The following CR2 variants were observed in gnomAD, a reference collection of about 807,000 sequenced individuals.
CR2 encodes the protein complement C3d receptor 2.
CR2 carries 96 observed loss-of-function variants against 123.0 expected under a neutral mutation model. The observed-to-expected ratio is 0.78, with a 90% CI of 0.66 to 0.93. CR2 has a LOEUF of 0.93. Among genes scored for constraint, CR2 ranks in the 40% least tolerant of loss-of-function variants. The pLI, the probability that CR2 is intolerant of heterozygous loss-of-function variation, is 0.00. For synonymous variants in CR2, 484 were observed against 469.5 expected, an observed-to-expected ratio of 1.03 and a Z score of -0.40; for missense variants, 1,258 against 1,361.0, an observed-to-expected ratio of 0.92 and a Z score of 1.19.
At chr1:207,459,093 A>T (rs186685035) in intron 1 of CR2, among the ~76,000 whole-genome samples, 4 of 152,236 alleles carry the variant, frequency 2.6e-5, no homozygotes, top group Non-Finnish European at 5.9e-5. Context: ...TGAGGATTAC[A>T]TAATTGTTTT....
chr1:207,473,542 C>T lies in CR2; in HGVS notation c.1979-3C>T, dbSNP rs1658347562. 1.9e-6 allele frequency: 3 copies of T among 1,613,216 alleles called. No individual in the cohort carries two copies. The highest frequency in any genetic ancestry group is 8.5e-7 in the Non-Finnish European group (1 of 1,179,356). ...TATTTATGTAGGGAGTTTTTCTCTTCAGGCTGCCAGTCACCTCCTGGGCTC... is the reference window on the plus strand; with the variant it reads ...TATTTATGTAGGGAGTTTTTCTCTTTAGGCTGCCAGTCACCTCCTGGGCTC... On this transcript the variant is annotated splice_polypyrimidine_tract_variant and splice_region_variant and intron_variant, in intron 10 of 19. Coordinates refer to ENST00000367057, the MANE Select transcript of CR2 (RefSeq NM_001006658.3).
Position 207,472,766 on chromosome 1 carries a change from C to T in CR2, c.1571-6C>T, listed in dbSNP as rs759031858. 7 of 1,613,224 alleles carry T rather than the reference C, an allele frequency of 4.3e-6. No homozygotes were observed. Among genetic ancestry groups the T allele is most frequent in the African/African-American group, 4.0e-5 (3 of 74,894 alleles). ...TCAATTCTACAGTATCTTTTCATCT[C>T]TCTAGAAATCACCTGCCCACCACCC... On this transcript the variant is annotated splice_polypyrimidine_tract_variant and splice_region_variant and intron_variant, in intron 9 of 19. Coordinates refer to ENST00000367057, the MANE Select transcript of CR2 (RefSeq NM_001006658.3).
At chr1:207,488,164 T>C (rs1382993598) in intron 19 of CR2, among the ~76,000 whole-genome samples, 2 of 152,232 alleles carry the variant, frequency 1.3e-5, no homozygotes, top group South Asian at 4.1e-4. Flanking sequence ...CTTCTCTTAC[T>C]TAGCCATCAG....
rs371956919 is a variant in CR2, at chr1:207,485,518, A to G, written c.3243A>G (p.Glu1081=). ...QKEAFHLEAR[E]VYSVDPYNPA... ...AAGCTTTTCATTTAGAAGCACGAGA[A>G]GTATATTCTGTTGATCCATACAACC... Residue 1081 remains glutamate, a synonymous_variant, in exon 19 of 20, where the codon GAA becomes GAG. Transcript: ENST00000367057. The G allele has an allele frequency of 9.0e-5, 145 of 1,613,426 alleles. No individual in the cohort carries two copies. The highest frequency in any genetic ancestry group is 1.6e-4 in the Middle Eastern group (1 of 6,082).
chr1:207,465,012 C>A (rs1376327123), intron 1 of CR2, among the ~76,000 whole-genome samples: 1 of 152,108 alleles, frequency 6.6e-6, no homozygotes, highest in Non-Finnish European at 1.5e-5. Flanking sequence ...CTCACTGCAA[C>A]CTCCACCTCC....
rs1480677802 is a variant in CR2 at position 207,470,664 on chromosome 1, T to G, written c.1226-76T>G. ...CCAGAGTGGAATTATAGCATGAATA[T>G]CAATTTCTTTGGCTCAGTTTCTTTC... On this transcript the variant is annotated intron_variant, in intron 6 of 19. Transcript: ENST00000367057. 4 of 1,398,394 alleles carry G rather than the reference T, an allele frequency of 2.9e-6. No homozygotes were observed. The African/African-American group carries it at 5.7e-5, about 20-fold the overall frequency. 86.6% of individuals were successfully genotyped at this position (1,398,394 alleles called of 1,614,324 possible). A position where few individuals can be genotyped will look rare whatever the true frequency, so the allele number is the denominator to read the frequency against.
rs1658834735 is a variant in CR2, at chr1:207,489,594, AT to A, written c.*475del. 1 of 152,202 alleles carries A rather than the reference AT, an allele frequency of 6.6e-6. No homozygotes were observed. Among genetic ancestry groups the A allele is most frequent in the South Asian group, 2.1e-4 (1 of 4,834 alleles). 9.4% of individuals were successfully genotyped at this position (152,202 alleles called of 1,614,324 possible). A position where few individuals can be genotyped will look rare whatever the true frequency, so the allele number is the denominator to read the frequency against. ...TACCTTTATTAGGAAGTATGGTTTTATTTTGATAGTAGCTTCCTCCTCTGGT... is the reference window on the plus strand; with the variant it reads ...TACCTTTATTAGGAAGTATGGTTTTATTTGATAGTAGCTTCCTCCTCTGGT... On this transcript the variant is annotated 3_prime_UTR_variant, in exon 20 of 20. Transcript: ENST00000367057.
Position 207,462,794 on chromosome 1 carries a change from A to G in CR2, c.59-3732A>G, listed in dbSNP as rs558550210. Reference sequence around the variant, plus strand: ...GATGAGTTACAAAAAGGAAATGATCACTGTGAGATTTTTAAGGCAGAAGAC... The same window carrying G: ...GATGAGTTACAAAAAGGAAATGATCGCTGTGAGATTTTTAAGGCAGAAGAC... On this transcript the variant is annotated intron_variant, in intron 1 of 19. Coordinates refer to ENST00000367057, the MANE Select transcript of CR2 (RefSeq NM_001006658.3). Among the ~76,000 whole-genome samples the G allele has an allele frequency of 2.3e-4, 35 of 152,314 alleles. 1 individual carries two copies. In the South Asian group the frequency reaches 6.8e-3, roughly 30 times the overall value.
intron 18 of CR2, among the ~76,000 whole-genome samples, chr1:207,484,781 A>G (rs534092618): frequency 6.6e-6 from 1 of 152,368 alleles, no homozygotes; most frequent in Non-Finnish European, 1.5e-5. Flanking sequence ...GTGTACTTTC[A>G]AAGAAGGAAA....
intron 1 of CR2, among the ~76,000 whole-genome samples, chr1:207,458,059 AACACACAC>A (rs59735642): frequency 2.2e-4 from 27 of 122,664 alleles, no homozygotes; most frequent in South Asian, 1.2e-3. Flanking sequence ...TCAAGGCCAC[AACACACAC>A]ACACACACAC....
chr1:207,457,566 A>G (rs896481443), intron 1 of CR2, among the ~76,000 whole-genome samples: 3 of 152,146 alleles, frequency 2.0e-5, no homozygotes, highest in African/African-American at 7.2e-5. Flanking sequence ...TCCACTTCAG[A>G]CAGGCTTCTT....
At chr1:207,457,703 T>A (rs73089153) in intron 1 of CR2, among the ~76,000 whole-genome samples, 4,048 of 152,242 alleles carry the variant, frequency 0.027, 212 homozygotes, top group African/African-American at 0.092. Context: ...TTCCTTTACC[T>A]TGAAACCATT....
intron 1 of CR2, among the ~76,000 whole-genome samples, chr1:207,455,506 T>C (rs1182513652): frequency 6.6e-6 from 1 of 152,252 alleles, no homozygotes; most frequent in Non-Finnish European, 1.5e-5. Context: ...GCATTTAAGC[T>C]AACAAGCTGG....
chr1:207,456,860 C>T (rs751012936), intron 1 of CR2, among the ~76,000 whole-genome samples: 3 of 152,234 alleles, frequency 2.0e-5, no homozygotes, highest in Non-Finnish European at 4.4e-5. Flanking sequence ...CACTCACTCT[C>T]TCTGCCCCAG....
intron 2 of CR2, among the ~76,000 whole-genome samples, chr1:207,467,237 G>T (rs1658127729): frequency 6.6e-6 from 1 of 152,120 alleles, no homozygotes; most frequent in African/African-American, 2.4e-5. Context: ...CTGTATATCT[G>T]TGTTACTGTT....
In CR2 at chr1:207,478,126, G is replaced by A; in HGVS notation, c.3088+56G>A. ...AACTGGCTAACGGAGAGAAGAGAGT[G>A]AGAGTTTCCCTCAGCGTGGAGAGTC... On this transcript the variant is annotated intron_variant, in intron 16 of 19. Transcript: ENST00000367057. 22 of 1,564,728 alleles carry A rather than the reference G, an allele frequency of 1.4e-5. No individual in the cohort carries two copies. In the South Asian group the frequency reaches 2.4e-4, roughly 17 times the overall value.
intron 1 of CR2, among the ~76,000 whole-genome samples, chr1:207,456,920 T>C (rs1248010849): frequency 1.3e-5 from 2 of 152,226 alleles, no homozygotes; most frequent in Non-Finnish European, 2.9e-5. Context: ...CTAGGTATTC[T>C]CTCTTTTGAA....
chr1:207,476,692 T>G (rs950326135), intron 15 of CR2, among the ~76,000 whole-genome samples: 2 of 152,198 alleles, frequency 1.3e-5, no homozygotes, highest in Non-Finnish European at 2.9e-5. Context: ...AAGCACAGAT[T>G]GTATTTACAC....
chr1:207,456,647 AAAC>A (rs1657841414), intron 1 of CR2, among the ~76,000 whole-genome samples: 1 of 152,228 alleles, frequency 6.6e-6, no homozygotes, highest in Non-Finnish European at 1.5e-5. Flanking sequence ...TATGCTGAGA[AAAC>A]AAAACCATGA....
Sources: gnomAD v4.1 joint callset for allele counts (sites outside exome capture counted in the v4.1 genomes callset) on GRCh38, gnomAD v4.1.1 for gene constraint, MANE v1.5 for transcripts, NCBI Gene and HGNC (gene_info 2026-07-23, HGNC 2026-07-21) for gene names.